Variants in SIK3 observed in about 807,000 individuals in gnomAD.
The protein encoded by SIK3 is serine/threonine-protein kinase SIK3.
A neutral mutation model predicts 144.2 loss-of-function variants in SIK3; 28 were observed. The observed-to-expected ratio is 0.19, with a 90% CI of 0.14 to 0.27. SIK3 has a LOEUF of 0.27. SIK3 is among the 10% of genes least tolerant of loss of function. SIK3 has a pLI of 1.00. For synonymous variants in SIK3, 686 were observed against 676.3 expected (o/e 1.01, Z -0.22); for missense variants, 1,319 against 1,776.0 (o/e 0.74, Z 4.62).
chr11:116,986,050 T>A (rs183842307), intron 1 of SIK3, among the ~76,000 whole-genome samples: 3 of 152,202 alleles, frequency 2.0e-5, no homozygotes, highest in Non-Finnish European at 2.9e-5. Flanking sequence ...CATCAATCAT[T>A]CTGGTGGCAA....
chr11:116,870,456 C>T, intron 13 of SIK3, 55 bp from the exon 14 acceptor site: 2 of 1,610,840 alleles, frequency 1.2e-6, no homozygotes, highest in South Asian at 2.2e-5. Context: ...TGTCATGCCT[C>T]TTACTCTAGT....
chr11:116,903,777 G>T (rs1432059990), intron 4 of SIK3, among the ~76,000 whole-genome samples: 1 of 152,044 alleles, frequency 6.6e-6, no homozygotes, highest in Non-Finnish European at 1.5e-5. Context: ...TAGTGATGGG[G>T]GTCTTGCTAT....
At chr11:117,009,889 A>G (rs935051968) in intron 1 of SIK3, among the ~76,000 whole-genome samples, 1 of 152,220 alleles carries the variant, frequency 6.6e-6, no homozygotes, top group African/African-American at 2.4e-5. Flanking sequence ...TTTACTGCCC[A>G]ACTTCTAGAT....
chr11:116,906,678 T>C (rs79175883), intron 4 of SIK3, among the ~76,000 whole-genome samples: 6,893 of 152,278 alleles, frequency 0.045, 223 homozygotes, highest in Non-Finnish European at 0.072. Flanking sequence ...GTTATGTAAC[T>C]TTGATCTGAG....
intron 3 of SIK3, among the ~76,000 whole-genome samples, chr11:116,944,891 C>T (rs1390578971): frequency 6.6e-6 from 1 of 152,082 alleles, no homozygotes; most frequent in Non-Finnish European, 1.5e-5. Context: ...TTCATAATAC[C>T]TCAGTTTTTA....
intron 4 of SIK3, among the ~76,000 whole-genome samples, chr11:116,925,929 C>A (rs571277606): frequency 1.3e-5 from 2 of 152,228 alleles, no homozygotes; most frequent in South Asian, 4.1e-4. Context: ...TATGAAAGTT[C>A]TAAACAAAAG....
At chr11:117,044,709 C>T (rs772286925) in intron 1 of SIK3, among the ~76,000 whole-genome samples, 5 of 151,978 alleles carry the variant, frequency 3.3e-5, no homozygotes, top group Non-Finnish European at 5.9e-5. Flanking sequence ...AGGGAGACCC[C>T]GTCTTTATAA....
chr11:117,051,471 CTTCTA>C (rs1363092053), intron 1 of SIK3, among the ~76,000 whole-genome samples: 1 of 152,006 alleles, frequency 6.6e-6, no homozygotes, highest in Non-Finnish European at 1.5e-5. Flanking sequence ...AAATAAACCT[CTTCTA>C]TATCTATAGA....
chr11:116,874,842 T>C (rs1944158921), intron 11 of SIK3, among the ~76,000 whole-genome samples: 2 of 152,214 alleles, frequency 1.3e-5, no homozygotes, highest in African/African-American at 2.4e-5. Flanking sequence ...GTTGAGAGTC[T>C]TCAACCGTGG....
intron 1 of SIK3, among the ~76,000 whole-genome samples, chr11:117,007,768 T>C (rs547150594): frequency 6.6e-6 from 1 of 152,312 alleles, no homozygotes; most frequent in African/African-American, 2.4e-5. Flanking sequence ...TTCTGTCAAG[T>C]TGTTCAATCT....
chr11:117,018,862 C>A (rs1376012503), intron 1 of SIK3, among the ~76,000 whole-genome samples: 3 of 151,930 alleles, frequency 2.0e-5, no homozygotes, highest in Non-Finnish European at 4.4e-5. Flanking sequence ...CAGGCGCCTG[C>A]CACCATGCCC....
Sources: gnomAD v4.1 joint callset for allele counts (sites outside exome capture counted in the v4.1 genomes callset) on GRCh38, gnomAD v4.1.1 for gene constraint, MANE v1.5 for transcripts, NCBI Gene and HGNC (gene_info 2026-07-23, HGNC 2026-07-21) for gene names.